The following PP2D1 variants were observed in gnomAD, a reference collection of about 807,000 sequenced individuals.
PP2D1 encodes the protein protein phosphatase 2C like domain containing 1, also known as protein phosphatase 2C-like domain-containing protein 1.
PP2D1 carries 25 observed loss-of-function variants against 30.2 expected under a neutral mutation model. That is an observed-to-expected ratio of 0.83 (90% CI 0.60 to 1.16). PP2D1 has a LOEUF of 1.16. PP2D1 is among the 50% of genes most tolerant of loss of function. PP2D1 has a pLI of 0.00. For missense variants in PP2D1, 760 were observed against 742.4 expected (o/e 1.02, Z -0.28); for synonymous variants, 260 against 258.9 (o/e 1.00, Z -0.04).
intron 1 of PP2D1, among the ~76,000 whole-genome samples, chr3:20,002,762 A>T (rs1393538692): frequency 6.6e-6 from 1 of 152,050 alleles, no homozygotes; most frequent in Non-Finnish European, 1.5e-5. Flanking sequence ...TCTACTAAAA[A>T]TACAAAAACT....
At chr3:20,005,580 A>T (rs545961080) in intron 1 of PP2D1, among the ~76,000 whole-genome samples, 1 of 152,294 alleles carries the variant, frequency 6.6e-6, no homozygotes, top group South Asian at 2.1e-4. Context: ...CGACACTAAG[A>T]ATACTTGGAG....
At chr3:19,988,308 G>C (rs1028168965) in intron 2 of PP2D1, among the ~76,000 whole-genome samples, 1 of 152,132 alleles carries the variant, frequency 6.6e-6, no homozygotes, top group African/African-American at 2.4e-5. Context: ...CATTCCTAGG[G>C]GGAGGTCTCT....
At chr3:19,989,601 T>A (rs978559460) in intron 2 of PP2D1, among the ~76,000 whole-genome samples, 1 of 152,356 alleles carries the variant, frequency 6.6e-6, no homozygotes, top group African/African-American at 2.4e-5. Flanking sequence ...TCTTGACTTT[T>A]GCTGGATTAT....
At chr3:19,994,173 A>C (rs760549878) in intron 2 of PP2D1, among the ~76,000 whole-genome samples, 3 of 152,180 alleles carry the variant, frequency 2.0e-5, no homozygotes, top group Non-Finnish European at 4.4e-5. Flanking sequence ...TGAAACAGTG[A>C]ACCAAAAATA....
intron 1 of PP2D1, among the ~76,000 whole-genome samples, chr3:20,006,644 T>C (rs2125147042): frequency 6.6e-6 from 1 of 152,246 alleles, no homozygotes; most frequent in Middle Eastern, 3.4e-3. Context: ...TCATTTTTAG[T>C]AGAGATGAGT....
chr3:20,000,732 G>A (rs1241795082), intron 2 of PP2D1, among the ~76,000 whole-genome samples: 1 of 152,212 alleles, frequency 6.6e-6, no homozygotes, highest in African/African-American at 2.4e-5. Context: ...TTAAGCATAT[G>A]TAGTAACTTT....
At chr3:20,007,550 C>T (rs1697334786) in intron 1 of PP2D1, among the ~76,000 whole-genome samples, 1 of 152,054 alleles carries the variant, frequency 6.6e-6, no homozygotes, top group South Asian at 2.1e-4. Flanking sequence ...TGTCGGATCA[C>T]CTGAGGTCAG....
At chr3:19,983,679 A>T, downstream of PP2D1, 1 of 1,433,346 alleles carries the variant, frequency 7.0e-7, no homozygotes. Context: ...GTATTCAAAT[A>T]TTCTATTTAT....
Position 20,002,657 on chromosome 3 carries a change from C to T in PP2D1, c.24-561G>A, listed in dbSNP as rs1017368399. 1.2e-4 allele frequency among the ~76,000 whole-genome samples: 19 copies of T among 152,314 alleles called. No individual in the cohort carries two copies. In the East Asian group the frequency reaches 1.9e-3, roughly 15 times the overall value. ...ATAGAAGGCCAGGCACGGTGGCTCA[C>T]GCCTGTAATCCCAACACTTTGGGAG... is the stretch of plus-strand genomic sequence containing the variant. On this transcript the variant is annotated intron_variant, in intron 1 of 2. Coordinates refer to ENST00000389050, the MANE Select transcript of PP2D1 (RefSeq NM_001252657.2).
rs1014159148 is a variant in PP2D1 at position 20,000,863 on chromosome 3, T to G, written c.1090+167A>C. ...ATTACAATTATTTTTGTGCCTGCAA[T>G]CTGCATTTAAATTGTGGTTATTTGT... On this transcript the variant is annotated intron_variant, in intron 2 of 2. Transcript: ENST00000389050. 1.7e-5 allele frequency: 7 copies of G among 400,400 alleles called. No individual in the cohort carries two copies. In the East Asian group the frequency reaches 2.5e-4, roughly 14 times the overall value. 24.8% of individuals were successfully genotyped at this position (400,400 alleles called of 1,614,324 possible). A position where few individuals can be genotyped will look rare whatever the true frequency, so the allele number is the denominator to read the frequency against.
Position 20,009,635 on chromosome 3 carries a change from C to T in PP2D1, c.23+2415G>A, listed in dbSNP as rs187914972. ...TAGAATTTGAATCCTGTAAATTATGCAAAAATCACTTCTAGGAAGGAAAGC... is the reference window on the plus strand; with the variant it reads ...TAGAATTTGAATCCTGTAAATTATGTAAAAATCACTTCTAGGAAGGAAAGC... On this transcript the variant is annotated intron_variant, in intron 1 of 2. Transcript: ENST00000389050. 1.2e-4 allele frequency among the ~76,000 whole-genome samples: 19 copies of T among 152,084 alleles called. No individual in the cohort carries two copies. In the East Asian group the frequency reaches 3.7e-3, roughly 29 times the overall value.
intron 2 of PP2D1, among the ~76,000 whole-genome samples, chr3:19,987,175 G>C (rs544010252): frequency 1.3e-5 from 2 of 152,240 alleles, no homozygotes; most frequent in African/African-American, 2.4e-5. Context: ...TGGTTCAAAT[G>C]AATCTGTGAT....
chr3:20,004,949 A>G (rs944881324), intron 1 of PP2D1, among the ~76,000 whole-genome samples: 2 of 151,910 alleles, frequency 1.3e-5, no homozygotes, highest in African/African-American at 4.8e-5. Flanking sequence ...TCTATTAACA[A>G]TTAAAAAAAG....
chr3:20,002,087 C>G lies in PP2D1; in HGVS notation c.33G>C (p.Trp11Cys), dbSNP rs201906601. 2.4e-4 allele frequency: 364 copies of G among 1,526,964 alleles called. 3 individuals carry two copies. The East Asian group carries it at 7.3e-3, about 31-fold the overall frequency. 94.6% of individuals were successfully genotyped at this position (1,526,964 alleles called of 1,614,324 possible). Residue 11 changes from tryptophan (W) to cysteine (C), a missense_variant, in exon 2 of 3, where the codon TGG becomes TGC. Physicochemically the swap from Trp to Cys is radical, Grantham distance 215 (BLOSUM62 -2). This residue lies in a region of PP2D1 where 374 missense variants were observed against 388.8 expected (regional missense o/e 0.96). Coordinates refer to ENST00000389050, the MANE Select transcript of PP2D1 (RefSeq NM_001252657.2). MSTNNALRVF[W>C]KSREWNMKTS... ...TTTTCATATTCCATTCTCTTGATTTCCAAAACACTCTGCAAACAGGATGAA... is the reference window on the plus strand; with the variant it reads ...TTTTCATATTCCATTCTCTTGATTTGCAAAACACTCTGCAAACAGGATGAA...
intron 2 of PP2D1, among the ~76,000 whole-genome samples, chr3:19,994,369 A>G (rs577915091): frequency 1.3e-5 from 2 of 152,340 alleles, no homozygotes; most frequent in African/African-American, 2.4e-5. Flanking sequence ...ATTAAAGCTC[A>G]TCAAAGCATC....
downstream of PP2D1, chr3:19,984,144 T>A (rs1342177581): frequency 1.2e-5 from 5 of 410,066 alleles, no homozygotes; most frequent in African/African-American, 1.1e-4. Flanking sequence ...ACCAGCCCAT[T>A]TCTCCACACT....
chr3:19,985,611 T>C lies in PP2D1; in HGVS notation c.1662A>G (p.Pro554=). 1.3e-6 allele frequency: 2 copies of C among 1,535,922 alleles called. No homozygotes were observed. The highest frequency in any genetic ancestry group is 1.7e-6 in the Non-Finnish European group (2 of 1,146,700). Residue 554 remains proline, a synonymous_variant, in exon 3 of 3, where the codon CCA becomes CCG. Coordinates refer to ENST00000389050, the MANE Select transcript of PP2D1 (RefSeq NM_001252657.2). ...AAGGTTTACGATGAGTCGTTTCTGC[T>C]GGAAATGTTTCTACATTCTCAGGGT... ...IYNPENVETF[P]AETTHRKPCS... is the part of the protein sequence containing the mutation.
intron 2 of PP2D1, among the ~76,000 whole-genome samples, chr3:20,000,094 C>T (rs1014660001): frequency 1.3e-5 from 2 of 152,196 alleles, no homozygotes; most frequent in Non-Finnish European, 2.9e-5. Context: ...GGAGGCCCAG[C>T]CTCCTCAGGC....
intron 1 of PP2D1, among the ~76,000 whole-genome samples, chr3:20,004,348 C>T (rs941067857): frequency 1.3e-5 from 2 of 152,184 alleles, no homozygotes; most frequent in Admixed American, 6.6e-5. Context: ...CACTCTATGA[C>T]GTTCACACAA....
Sources: gnomAD v4.1 joint callset for allele counts (sites outside exome capture counted in the v4.1 genomes callset) on GRCh38, gnomAD v4.1.1 for gene constraint, gnomAD v4.1.1 regional missense constraint, MANE v1.5 for transcripts, NCBI Gene and HGNC (gene_info 2026-07-23, HGNC 2026-07-21) for gene names.